Variants in SCUBE2 observed in about 807,000 individuals in gnomAD.
The protein encoded by SCUBE2 is signal peptide, CUB and EGF-like domain-containing protein 2.
A neutral mutation model predicts 125.9 loss-of-function variants in SCUBE2; 114 were observed. That is an observed-to-expected ratio of 0.91 (90% CI 0.78 to 1.06). SCUBE2 has a LOEUF of 1.06. Among genes scored for constraint, SCUBE2 ranks in the 50% least tolerant of loss-of-function variants. The pLI, the probability that SCUBE2 is intolerant of heterozygous loss-of-function variation, is 0.00. For synonymous variants in SCUBE2, 459 were observed against 492.9 expected (o/e 0.93, Z 0.91); for missense variants, 1,255 against 1,301.8 (o/e 0.96, Z 0.55).
chr11:9,048,159 TGCTAGA>T, intron 14 of SCUBE2, 61 bp from the exon 15 acceptor site: 1 of 1,522,526 alleles, frequency 6.6e-7, no homozygotes, highest in Non-Finnish European at 8.9e-7. Context: ...GCTGAACATT[TGCTAGA>T]GCTCAGTAAA....
chr11:9,030,615 G>A lies in SCUBE2; in HGVS notation c.2341+143C>T, dbSNP rs1856220737. ...AGTTCCAGTGCCCCCTGCACATCCT[G>A]CTGGGGCGAGTGGAGCTGGGACCTG... On this transcript the variant is annotated intron_variant, in intron 18 of 22. Transcript: ENST00000649792. 4.9e-6 allele frequency: 4 copies of A among 819,952 alleles called. No homozygotes were observed. In the East Asian group the frequency reaches 9.9e-5, roughly 20 times the overall value. 50.8% of individuals were successfully genotyped at this position (819,952 alleles called of 1,614,324 possible). A position where few individuals can be genotyped will look rare whatever the true frequency, so the allele number is the denominator to read the frequency against.
intron 16 of SCUBE2, among the ~76,000 whole-genome samples, chr11:9,035,379 T>C (rs1468749794): frequency 6.6e-6 from 1 of 152,252 alleles, no homozygotes; most frequent in Non-Finnish European, 1.5e-5. Flanking sequence ...ACTCCTATGG[T>C]ACTGTAAGAT....
chr11:9,043,690 T>C (rs1235691880), intron 16 of SCUBE2, among the ~76,000 whole-genome samples: 1 of 152,034 alleles, frequency 6.6e-6, no homozygotes, highest in East Asian at 1.9e-4. Context: ...AACAGTTCAA[T>C]GCAAAAATAG....
chr11:9,072,912 G>A (rs967429300), intron 4 of SCUBE2, among the ~76,000 whole-genome samples: 21 of 152,094 alleles, frequency 1.4e-4, no homozygotes, highest in African/African-American at 4.8e-4. Flanking sequence ...ATCAGTCCGG[G>A]GGCTTGCAGG....
chr11:9,074,824 G>A (rs1861091434), intron 3 of SCUBE2, among the ~76,000 whole-genome samples: 1 of 152,220 alleles, frequency 6.6e-6, no homozygotes, highest in Non-Finnish European at 1.5e-5. Flanking sequence ...CCGCCACATG[G>A]ACACAAGGTC....
At chr11:9,059,978 G>C (rs1361410889) in intron 8 of SCUBE2, among the ~76,000 whole-genome samples, 1 of 152,100 alleles carries the variant, frequency 6.6e-6, no homozygotes, top group Non-Finnish European at 1.5e-5. Flanking sequence ...CAAGTCATTG[G>C]GGTCGCTCTT....
chr11:9,062,625 T>G (rs775322025), intron 7 of SCUBE2, among the ~76,000 whole-genome samples: 12 of 152,130 alleles, frequency 7.9e-5, no homozygotes, highest in Non-Finnish European at 1.6e-4. Context: ...GAAGAGGAGT[T>G]AAAATCTCGT....
Position 9,030,838 on chromosome 11 carries a change from C to T in SCUBE2, c.2261G>A (p.Arg754Gln), listed in dbSNP as rs1566168328. The change falls in exon 18 of 23, where the codon CGA becomes CAA. Residue 754 changes from arginine (R) to glutamine (Q), a missense_variant. Coordinates refer to ENST00000649792, the MANE Select transcript of SCUBE2 (RefSeq NM_001367977.2). ...TCCTCCACAGGGGAAGCAGGAAGTT[C>T]GACCAGCTTCAGGCTGGAACGTGCC... ...ALGTFQPEAG[R>Q]TSCFPCGGGL... 3 of 1,614,200 alleles carry T rather than the reference C, an allele frequency of 1.9e-6. No homozygotes were observed. The highest frequency in any genetic ancestry group is 1.6e-4 in the Middle Eastern group (1 of 6,062).
At chr11:9,022,354 T>C (rs775800201) in intron 21 of SCUBE2, among the ~76,000 whole-genome samples, 10 of 152,234 alleles carry the variant, frequency 6.6e-5, no homozygotes, top group Non-Finnish European at 1.3e-4. Context: ...TGTATGTCTC[T>C]GACTTTAAAA....
At chr11:9,084,517 T>G (rs1410741882) in intron 2 of SCUBE2, among the ~76,000 whole-genome samples, 1 of 84,732 alleles carries the variant, frequency 1.2e-5, no homozygotes, top group African/African-American at 4.0e-5. Flanking sequence ...GAAATGTATC[T>G]ATTGCAAAGG....
intron 3 of SCUBE2, among the ~76,000 whole-genome samples, chr11:9,078,578 C>G (rs1467854469): frequency 6.6e-6 from 1 of 152,222 alleles, no homozygotes; most frequent in Admixed American, 6.5e-5. Context: ...GCTGTCCCCA[C>G]AGAGCCAGGG....
intron 13 of SCUBE2, among the ~76,000 whole-genome samples, chr11:9,051,871 A>C (rs1249550575): frequency 2.0e-5 from 3 of 152,168 alleles, no homozygotes; most frequent in African/African-American, 7.2e-5. Flanking sequence ...TCACTGAGGG[A>C]TTTGGCGAAA....
chr11:9,054,701 G>GTATA (rs1210852364), intron 10 of SCUBE2, among the ~76,000 whole-genome samples: 15 of 51,076 alleles, frequency 2.9e-4, no homozygotes, highest in African/African-American at 1.1e-3. Flanking sequence ...AAGCACTAGT[G>GTATA]TATATATATA....
At chr11:9,069,283 T>G in intron 5 of SCUBE2, 87 bp downstream of exon 5, 7 of 1,552,656 alleles carry the variant, frequency 4.5e-6, no homozygotes, top group South Asian at 1.2e-5. Context: ...AGCCGTGCCA[T>G]GAGGTGGTGC....
chr11:9,045,624 C>G (rs953756217), intron 16 of SCUBE2, among the ~76,000 whole-genome samples: 299 of 148,590 alleles, frequency 2.0e-3, no homozygotes, highest in African/African-American at 6.8e-3. Context: ...CACACACACA[C>G]ACACACACAC....
chr11:9,070,932 T>C (rs1171381142), intron 4 of SCUBE2, among the ~76,000 whole-genome samples: 1 of 152,226 alleles, frequency 6.6e-6, no homozygotes, highest in Non-Finnish European at 1.5e-5. Flanking sequence ...GATTCATTCA[T>C]CCATGCCAAG....
In SCUBE2 at chr11:9,091,099, C is replaced by G. The variant is rs1862658604; in HGVS notation, c.133+297G>C. Among the ~76,000 whole-genome samples, 1 of 152,200 alleles carries G rather than the reference C, an allele frequency of 6.6e-6. No individual in the cohort carries two copies. Among genetic ancestry groups the G allele is most frequent in the Non-Finnish European group, 1.5e-5 (1 of 68,044 alleles). On this transcript the variant is annotated intron_variant, in intron 1 of 22. Transcript: ENST00000649792. The surrounding 1 kb of genome is among the most constrained non-coding windows in gnomAD (Gnocchi z 8.5). ...GGACCCCAAGGCCAGGGTCCGCACC[C>G]TCCTGCCTGCTCGCCGGCGACGGTC...
At chr11:9,024,413 T>A (rs1110216) in intron 21 of SCUBE2, 148,938 of 1,285,390 alleles carry the variant, frequency 0.12, 9,581 homozygotes, top group South Asian at 0.22. Context: ...ATTTCAGGCA[T>A]CTGTAGGACA....
intron 17 of SCUBE2, among the ~76,000 whole-genome samples, chr11:9,032,435 C>T (rs1856388622): frequency 6.6e-6 from 1 of 152,090 alleles, no homozygotes; most frequent in South Asian, 2.1e-4. Context: ...CTAAATTTTT[C>T]TTAATAAGGT....
Sources: gnomAD v4.1 joint callset for allele counts (sites outside exome capture counted in the v4.1 genomes callset) on GRCh38, gnomAD v4.1.1 for gene constraint, Gnocchi (gnomAD v3.1) non-coding constraint, MANE v1.5 for transcripts, NCBI Gene and HGNC (gene_info 2026-07-23, HGNC 2026-07-21) for gene names.